The following CSGALNACT1 variants were observed in gnomAD, a reference collection of about 807,000 sequenced individuals.
CSGALNACT1 encodes the protein beta4GalNAcT-1.
In CSGALNACT1, 52 loss-of-function variants were observed where a neutral mutation model predicts 51.0. The ratio of observed to expected loss-of-function variants is 1.02; its 90% CI spans 0.82 to 1.29. The LOEUF is 1.29. Among genes scored for constraint, CSGALNACT1 ranks in the 50% most tolerant of loss-of-function variants. The pLI, the probability that CSGALNACT1 is intolerant of heterozygous loss-of-function variation, is 0.00. For missense variants in CSGALNACT1, 935 were observed against 679.2 expected (o/e 1.38, Z -4.19); for synonymous variants, 341 against 254.4 (o/e 1.34, Z -3.24).
intron 1 of CSGALNACT1, among the ~76,000 whole-genome samples, chr8:19,669,939 AAAC>A (rs1319616620): frequency 6.6e-6 from 1 of 152,180 alleles, no homozygotes; most frequent in Non-Finnish European, 1.5e-5. Flanking sequence ...TCCTGTGGAC[AAAC>A]AACTCACTCT....
intron 3 of CSGALNACT1, among the ~76,000 whole-genome samples, chr8:19,529,488 G>A (rs915109044): frequency 6.6e-6 from 1 of 152,166 alleles, no homozygotes; most frequent in East Asian, 1.9e-4. Flanking sequence ...TGTTTCACTT[G>A]ACTTTGACGT....
intron 3 of CSGALNACT1, among the ~76,000 whole-genome samples, chr8:19,528,655 C>T (rs1256844618): frequency 1.3e-5 from 2 of 152,130 alleles, no homozygotes; most frequent in Non-Finnish European, 2.9e-5. Flanking sequence ...CCAAATCATC[C>T]AACCAAGACC....
At chr8:19,437,788 G>C (rs2060621683) in intron 6 of CSGALNACT1, among the ~76,000 whole-genome samples, 1 of 152,154 alleles carries the variant, frequency 6.6e-6, no homozygotes. Flanking sequence ...CTGGTCTCTA[G>C]CATGAAGTGA....
chr8:19,684,176 T>C (rs1195592882), upstream of CSGALNACT1, among the ~76,000 whole-genome samples: 1 of 149,590 alleles, frequency 6.7e-6, no homozygotes, highest in South Asian at 2.1e-4. Flanking sequence ...AAAAAAAAAA[T>C]ACATAATAAA....
At chr8:19,706,152 G>A (rs1168485071) in intron 1 of CSGALNACT1, among the ~76,000 whole-genome samples, 1 of 152,174 alleles carries the variant, frequency 6.6e-6, no homozygotes, top group African/African-American at 2.4e-5. Context: ...GACAACGGGG[G>A]ACAGCTGTGT....
At chr8:19,609,913 A>G (rs767235043) in intron 1 of CSGALNACT1, among the ~76,000 whole-genome samples, 68 of 152,112 alleles carry the variant, frequency 4.5e-4, no homozygotes, top group Non-Finnish European at 7.3e-4. Context: ...CGGGAGGAGC[A>G]TGGTCCTTTT....
chr8:19,405,117 T>G, exon 10 of CSGALNACT1: 1 of 453,276 alleles, frequency 2.2e-6, no homozygotes, highest in South Asian at 1.6e-5. Context: ...GGTAATTAAA[T>G]AAGCAGACTA....
chr8:19,755,220 T>C (rs1055429538), intron 1 of CSGALNACT1, among the ~76,000 whole-genome samples: 11 of 152,034 alleles, frequency 7.2e-5, no homozygotes, highest in Non-Finnish European at 1.5e-4. Flanking sequence ...GTATCATTCA[T>C]CATCATATGA....
chr8:19,751,115 C>T (rs150859945), intron 1 of CSGALNACT1, among the ~76,000 whole-genome samples: 6 of 152,264 alleles, frequency 3.9e-5, no homozygotes, highest in East Asian at 1.9e-4. Flanking sequence ...AACTCAAAGA[C>T]CTTTTCCAGG....
At chr8:19,742,796 A>G (rs897839412) in intron 1 of CSGALNACT1, among the ~76,000 whole-genome samples, 20 of 152,206 alleles carry the variant, frequency 1.3e-4, no homozygotes, top group African/African-American at 4.8e-4. Flanking sequence ...GAAACTGGGA[A>G]ATGGTCCAAA....
intron 6 of CSGALNACT1, among the ~76,000 whole-genome samples, chr8:19,432,959 T>A (rs1038383476): frequency 2.0e-5 from 3 of 152,206 alleles, no homozygotes; most frequent in Admixed American, 1.3e-4. Flanking sequence ...TGACCGATTT[T>A]TTTTTTCTCG....
At chr8:19,637,535 T>C (rs1434341066) in intron 1 of CSGALNACT1, among the ~76,000 whole-genome samples, 1 of 152,208 alleles carries the variant, frequency 6.6e-6, no homozygotes, top group African/African-American at 2.4e-5. Context: ...CACTTAAAAC[T>C]TAATGTTAGC....
At chr8:19,544,454 T>G (rs1263050881) in intron 3 of CSGALNACT1, among the ~76,000 whole-genome samples, 1 of 152,220 alleles carries the variant, frequency 6.6e-6, no homozygotes, top group African/African-American at 2.4e-5. Context: ...TTTATTTTTT[T>G]CTCCAATGCT....
chr8:19,476,298 G>C (rs2069614589), intron 4 of CSGALNACT1, among the ~76,000 whole-genome samples: 1 of 152,114 alleles, frequency 6.6e-6, no homozygotes, highest in African/African-American at 2.4e-5. Context: ...GAGTTCAATG[G>C]CAAGATCTCG....
At chr8:19,416,865 CT>C (rs11374521) in intron 8 of CSGALNACT1, among the ~76,000 whole-genome samples, 10 of 149,250 alleles carry the variant, frequency 6.7e-5, no homozygotes, top group South Asian at 2.1e-4. Flanking sequence ...TGAAAACTCA[CT>C]TTTTTTTTTT....
chr8:19,562,497 A>C (rs2040975160), intron 3 of CSGALNACT1, among the ~76,000 whole-genome samples: 1 of 152,108 alleles, frequency 6.6e-6, no homozygotes. Flanking sequence ...AAAAAAAAAA[A>C]ACTACCATCA....
chr8:19,499,665 T>G (rs947220484), intron 4 of CSGALNACT1, among the ~76,000 whole-genome samples: 4 of 152,230 alleles, frequency 2.6e-5, no homozygotes, highest in African/African-American at 9.6e-5. Flanking sequence ...TTATCAGGAA[T>G]GTACTGTGAG....
chr8:19,435,182 T>G (rs11997594), intron 6 of CSGALNACT1, among the ~76,000 whole-genome samples: 20,201 of 152,168 alleles, frequency 0.13, 1,648 homozygotes, highest in Middle Eastern at 0.23. Context: ...CAATGCCAAT[T>G]CATCTATCAG....
intron 4 of CSGALNACT1, among the ~76,000 whole-genome samples, chr8:19,479,362 T>C (rs1386695947): frequency 6.6e-6 from 1 of 152,234 alleles, no homozygotes; most frequent in Non-Finnish European, 1.5e-5. Flanking sequence ...TTAAGGACTC[T>C]ATCCATGGTG....
Sources: gnomAD v4.1 joint callset for allele counts (sites outside exome capture counted in the v4.1 genomes callset) on GRCh38, gnomAD v4.1.1 for gene constraint, MANE v1.5 for transcripts, NCBI Gene and HGNC (gene_info 2026-07-23, HGNC 2026-07-21) for gene names.